Variants in HHIP observed in about 807,000 individuals in gnomAD.
HHIP encodes hedgehog-interacting protein.
HHIP carries 12 observed loss-of-function variants against 74.0 expected under a neutral mutation model. That is an observed-to-expected ratio of 0.16 (90% CI 0.10 to 0.26). HHIP has a LOEUF of 0.26. Ranked by LOEUF, HHIP falls within the 10% of genes least tolerant of loss-of-function variation. HHIP has a pLI of 1.00. For synonymous variants in HHIP, 309 were observed against 311.6 expected, an observed-to-expected ratio of 0.99 and a Z score of 0.09; for missense variants, 788 against 845.0, an observed-to-expected ratio of 0.93 and a Z score of 0.84.
intron 11 of HHIP, among the ~76,000 whole-genome samples, chr4:144,728,976 T>C (rs935721544): frequency 1.3e-4 from 20 of 152,088 alleles, no homozygotes; most frequent in African/African-American, 4.8e-4. Context: ...ATAAGTAAAC[T>C]GACACTGAAG....
chr4:144,675,432 T>C (rs1304933916), intron 4 of HHIP, among the ~76,000 whole-genome samples: 1 of 152,034 alleles, frequency 6.6e-6, no homozygotes, highest in African/African-American at 2.4e-5. Context: ...ACAATGAAAT[T>C]ATCAAACAGG....
chr4:144,706,675 G>A lies in HHIP; in HGVS notation c.976G>A (p.Val326Ile), dbSNP rs201873715. ...DHILRVVEYT[V>I]SRKNPHQVDL... Reference sequence around the variant, plus strand: ...CATTCTTAGGGTTGTGGAATACACAGTATCCAGGTATCACTAAAAGGCATC... The same window carrying A: ...CATTCTTAGGGTTGTGGAATACACAATATCCAGGTATCACTAAAAGGCATC... The change falls in exon 5 of 13, where the codon GTA becomes ATA. Residue 326 changes from valine (V) to isoleucine (I), a missense_variant. Around this residue, in one of 3 missense-constraint regions of HHIP, gnomAD observed 72 missense variants for 130.6 expected, o/e 0.55. Coordinates refer to ENST00000296575, the MANE Select transcript of HHIP (RefSeq NM_022475.3). The A allele has an allele frequency of 6.9e-5, 110 of 1,598,422 alleles. 1 individual carries two copies. The South Asian group carries it at 8.4e-4, about 12-fold the overall frequency.
At chr4:144,691,802 C>G (rs886078688) in intron 4 of HHIP, among the ~76,000 whole-genome samples, 1 of 152,008 alleles carries the variant, frequency 6.6e-6, no homozygotes, top group Non-Finnish European at 1.5e-5. Context: ...AAAGCCCTCA[C>G]TCTAAAGTCA....
chr4:144,736,086 A>T (rs1373915292), intron 12 of HHIP, among the ~76,000 whole-genome samples: 2 of 150,092 alleles, frequency 1.3e-5, no homozygotes, highest in African/African-American at 2.4e-5. Flanking sequence ...CTGCTAATTT[A>T]TTATCTCTCT....
chr4:144,653,700 T>G (rs977759340), intron 2 of HHIP, among the ~76,000 whole-genome samples: 1 of 152,108 alleles, frequency 6.6e-6, no homozygotes, highest in Non-Finnish European at 1.5e-5. Flanking sequence ...CCAAGAGAAT[T>G]TTTTTAAGTG....
At chr4:144,726,376 G>A (rs901510164) in intron 11 of HHIP, among the ~76,000 whole-genome samples, 3 of 152,118 alleles carry the variant, frequency 2.0e-5, no homozygotes, top group Admixed American at 6.5e-5. Context: ...GCTACAGAGG[G>A]AGAGAATGAA....
rs202154615 is a variant in HHIP, at chr4:144,723,075, CT to C, written c.1760+4126del. The stretch of plus-strand genomic sequence containing the variant: ...TTTCAGATGAACTTAAACCAAATGA[CT>C]TTTTTTGAAACATTTCCAGAGTTTA... On this transcript the variant is annotated intron_variant, in intron 11 of 12. Transcript: ENST00000296575. Among the ~76,000 whole-genome samples, 1,418 of 152,006 alleles carry C rather than the reference CT, an allele frequency of 9.3e-3. 19 individuals carry two copies. Among genetic ancestry groups the C allele is most frequent in the African/African-American group, 0.03 (1,259 of 41,442 alleles).
intron 11 of HHIP, among the ~76,000 whole-genome samples, chr4:144,727,338 T>C (rs953301474): frequency 1.3e-5 from 2 of 152,166 alleles, no homozygotes; most frequent in Non-Finnish European, 2.9e-5. Flanking sequence ...ATCTCACTTC[T>C]TCCCAAAGAC....
intron 4 of HHIP, among the ~76,000 whole-genome samples, chr4:144,665,355 G>T (rs549324607): frequency 6.6e-6 from 1 of 152,210 alleles, no homozygotes; most frequent in Non-Finnish European, 1.5e-5. Context: ...ACCACACTTG[G>T]CCTCTTATAA....
chr4:144,674,283 T>C (rs1164451253), intron 4 of HHIP, among the ~76,000 whole-genome samples: 1 of 152,240 alleles, frequency 6.6e-6, no homozygotes, highest in Non-Finnish European at 1.5e-5. Flanking sequence ...AATGAACACA[T>C]ATTTTAACTT....
intron 4 of HHIP, among the ~76,000 whole-genome samples, chr4:144,700,655 G>GA (rs1174849699): frequency 6.6e-6 from 1 of 152,136 alleles, no homozygotes; most frequent in Non-Finnish European, 1.5e-5. Context: ...GAAGAAAGAA[G>GA]ACACAAACTG....
At chr4:144,724,373 G>T (rs1011212027) in intron 11 of HHIP, among the ~76,000 whole-genome samples, 2 of 151,954 alleles carry the variant, frequency 1.3e-5, no homozygotes, top group African/African-American at 4.8e-5. Flanking sequence ...TATTCCAAGT[G>T]CTGACAGATT....
chr4:144,663,716 G>A (rs1165294084), intron 4 of HHIP, among the ~76,000 whole-genome samples: 1 of 152,120 alleles, frequency 6.6e-6, no homozygotes, highest in Non-Finnish European at 1.5e-5. Context: ...ACTGGGAAAT[G>A]GCTTTACCAG....
At chr4:144,651,700 A>G (rs1728432014) in intron 1 of HHIP, among the ~76,000 whole-genome samples, 1 of 152,014 alleles carries the variant, frequency 6.6e-6, no homozygotes, top group Admixed American at 6.6e-5. Context: ...ATTGCCTTCT[A>G]TATAGATTAA....
chr4:144,648,977 A>G lies in HHIP; in HGVS notation c.279+2023A>G, dbSNP rs184500634. 1.3e-3 allele frequency among the ~76,000 whole-genome samples: 201 copies of G among 152,296 alleles called. 1 individual carries two copies. The highest frequency in any genetic ancestry group is 2.4e-3 in the Admixed American group (37 of 15,300). On this transcript the variant is annotated intron_variant, in intron 1 of 12. Transcript: ENST00000296575. ...GGTACACTAGACTTTTGCTGGTTCT[A>G]TTACAAGAGGTTTATAAATCAACAA...
chr4:144,688,059 A>G (rs939248853), intron 4 of HHIP, among the ~76,000 whole-genome samples: 1 of 152,124 alleles, frequency 6.6e-6, no homozygotes, highest in African/African-American at 2.4e-5. Context: ...ATAATTGTGA[A>G]CAAAATCCAT....
chr4:144,728,274 G>A (rs1560722692), intron 11 of HHIP, among the ~76,000 whole-genome samples: 1 of 152,152 alleles, frequency 6.6e-6, no homozygotes, highest in East Asian at 1.9e-4. Flanking sequence ...GTGAGCAAGT[G>A]AGTTCAACCT....
intron 12 of HHIP, among the ~76,000 whole-genome samples, chr4:144,737,381 T>C (rs1369071180): frequency 1.3e-5 from 2 of 152,154 alleles, no homozygotes; most frequent in Admixed American, 1.3e-4. Flanking sequence ...GCCACTCCCA[T>C]GTTGAGATCC....
At chr4:144,734,524 A>C (rs545470984) in intron 11 of HHIP, among the ~76,000 whole-genome samples, 1 of 152,204 alleles carries the variant, frequency 6.6e-6, no homozygotes, top group East Asian at 1.9e-4. Context: ...TAGAATGTTT[A>C]ATGTGTTTAG....
Sources: gnomAD v4.1 joint callset for allele counts (sites outside exome capture counted in the v4.1 genomes callset) on GRCh38, gnomAD v4.1.1 for gene constraint, gnomAD v4.1.1 regional missense constraint, MANE v1.5 for transcripts, NCBI Gene and HGNC (gene_info 2026-07-23, HGNC 2026-07-21) for gene names.